Variants in ZNF385D observed in about 807,000 individuals in gnomAD.
ZNF385D encodes zinc finger protein 659.
ZNF385D carries 15 observed loss-of-function variants against 35.8 expected under a neutral mutation model. The observed-to-expected ratio is 0.42, with a 90% CI of 0.28 to 0.64. The LOEUF is 0.64. ZNF385D is among the 30% of genes least tolerant of loss of function. The probability of loss-of-function intolerance (pLI) is 0.23; values close to 1 mark genes in which losing one functional copy is unlikely to be tolerated. For missense variants in ZNF385D, 474 were observed against 494.6 expected (o/e 0.96, Z 0.39); for synonymous variants, 212 against 186.8 (o/e 1.13, Z -1.10).
At chr3:21,891,952 T>C (rs867543644) in intron 3 of ZNF385D, among the ~76,000 whole-genome samples, 2 of 152,172 alleles carry the variant, frequency 1.3e-5, no homozygotes, top group Non-Finnish European at 2.9e-5. Context: ...TGATCACAAA[T>C]ACTAAATCAA....
At chr3:22,178,531 T>C (rs2125774423) in intron 2 of ZNF385D, among the ~76,000 whole-genome samples, 1 of 152,288 alleles carries the variant, frequency 6.6e-6, no homozygotes, top group South Asian at 2.1e-4. Context: ...ATTCTGTAGG[T>C]TGCCTGTTCA....
At chr3:22,190,616 C>T (rs1695954135) in intron 2 of ZNF385D, among the ~76,000 whole-genome samples, 1 of 152,154 alleles carries the variant, frequency 6.6e-6, no homozygotes, top group African/African-American at 2.4e-5. Flanking sequence ...GACAAGCCAA[C>T]TAGGACCGTC....
chr3:22,356,046 G>T (rs1439593143), intron 2 of ZNF385D, among the ~76,000 whole-genome samples: 1 of 151,900 alleles, frequency 6.6e-6, no homozygotes, highest in Non-Finnish European at 1.5e-5. Context: ...AACCTATGCA[G>T]AAAAATAAAA....
At chr3:21,736,057 C>A (rs1449883482) in intron 1 of ZNF385D, among the ~76,000 whole-genome samples, 1 of 152,196 alleles carries the variant, frequency 6.6e-6, no homozygotes, top group Non-Finnish European at 1.5e-5. Flanking sequence ...GGACTGAATC[C>A]TTTGCATGAC....
chr3:22,077,728 C>A (rs988859191), intron 3 of ZNF385D, among the ~76,000 whole-genome samples: 1 of 151,982 alleles, frequency 6.6e-6, no homozygotes, highest in South Asian at 2.1e-4. Context: ...GCAGTTGTAG[C>A]TGCCTACATA....
intron 1 of ZNF385D, among the ~76,000 whole-genome samples, chr3:21,749,171 C>T (rs370142827): frequency 2.0e-4 from 30 of 152,270 alleles, no homozygotes; most frequent in East Asian, 7.7e-4. Context: ...CATTTCAATT[C>T]GTACTATTAA....
intron 2 of ZNF385D, among the ~76,000 whole-genome samples, chr3:22,290,772 T>C (rs951760789): frequency 6.6e-6 from 1 of 152,130 alleles, no homozygotes; most frequent in African/African-American, 2.4e-5. Context: ...GATCTGTGTG[T>C]AGATGTTTAT....
intron 3 of ZNF385D, among the ~76,000 whole-genome samples, chr3:21,932,572 G>C (rs1039850718): frequency 3.4e-4 from 52 of 151,956 alleles, no homozygotes; most frequent in Non-Finnish European, 6.9e-4. Flanking sequence ...TTATGTGGCT[G>C]ATTACGTGGG....
chr3:22,197,671 C>G (rs2082623455), intron 2 of ZNF385D, among the ~76,000 whole-genome samples: 5 of 152,100 alleles, frequency 3.3e-5, no homozygotes, highest in Admixed American at 2.6e-4. Context: ...GTGTTTTTCA[C>G]TCCTGTTGTA....
At chr3:21,945,121 C>A (rs931650520) in intron 3 of ZNF385D, among the ~76,000 whole-genome samples, 1 of 111,210 alleles carries the variant, frequency 9.0e-6, no homozygotes, top group Non-Finnish European at 1.8e-5. Context: ...CATGTATATA[C>A]GTGTGTGTAT....
chr3:22,043,979 A>G (rs146790430), intron 3 of ZNF385D, among the ~76,000 whole-genome samples: 24 of 152,284 alleles, frequency 1.6e-4, no homozygotes, highest in African/African-American at 5.8e-4. Context: ...AGAATAAAAA[A>G]AGGAACATTA....
intron 3 of ZNF385D, among the ~76,000 whole-genome samples, chr3:21,923,602 C>T (rs961681948): frequency 6.6e-6 from 1 of 152,142 alleles, no homozygotes; most frequent in Non-Finnish European, 1.5e-5. Flanking sequence ...GATATGGAAT[C>T]AACCTAGGTG....
At chr3:22,041,341 C>G (rs1559326500) in intron 3 of ZNF385D, among the ~76,000 whole-genome samples, 1 of 151,974 alleles carries the variant, frequency 6.6e-6, no homozygotes, top group East Asian at 1.9e-4. Context: ...CATGCCCACC[C>G]CAGAGAGAAA....
chr3:21,769,453 G>A (rs2070980970), intron 3 of ZNF385D, among the ~76,000 whole-genome samples: 1 of 127,658 alleles, frequency 7.8e-6, no homozygotes. Context: ...AGACACACAA[G>A]AGAGCCAAAT....
chr3:22,084,007 A>C (rs1293725750), intron 3 of ZNF385D, among the ~76,000 whole-genome samples: 1 of 152,206 alleles, frequency 6.6e-6, no homozygotes, highest in Non-Finnish European at 1.5e-5. Flanking sequence ...AGGAGAAATA[A>C]AATACTTTAC....
intron 3 of ZNF385D, among the ~76,000 whole-genome samples, chr3:22,146,974 G>C (rs533902072): frequency 6.6e-6 from 1 of 152,260 alleles, no homozygotes; most frequent in East Asian, 1.9e-4. Flanking sequence ...ATAACAGTAA[G>C]CTAATCAAAC....
chr3:21,469,097 A>G (rs1004757302), intron 4 of ZNF385D, among the ~76,000 whole-genome samples: 32 of 152,178 alleles, frequency 2.1e-4, no homozygotes, highest in Admixed American at 1.3e-4. Flanking sequence ...ATCTTGACTA[A>G]GGTGATGGTT....
rs1700555059 is a variant in ZNF385D at position 21,415,832 on chromosome 3, A to G, written c.*5382T>C. 6.6e-6 allele frequency: 1 copy of G among 152,074 alleles called. No homozygotes were observed. The allele number at this position is 152,074 out of a possible 1,614,324, so 9.4% of individuals were successfully genotyped here. On this transcript the variant is annotated 3_prime_UTR_variant, in exon 8 of 8. Transcript: ENST00000281523. Reference sequence around the variant, plus strand: ...AGTCAGATTTTACTTCGTTTGACAAATACATTTTAGCAGTTTCTACAGTCA... The same window carrying G: ...AGTCAGATTTTACTTCGTTTGACAAGTACATTTTAGCAGTTTCTACAGTCA...
intron 2 of ZNF385D, among the ~76,000 whole-genome samples, chr3:21,664,675 T>C (rs976495412): frequency 1.3e-5 from 2 of 152,168 alleles, no homozygotes; most frequent in African/African-American, 4.8e-5. Flanking sequence ...ATCAACCGAA[T>C]CGGATCGAAT....
Sources: allele counts gnomAD v4.1 joint callset (sites outside exome capture counted in the v4.1 genomes callset), GRCh38; gene constraint gnomAD v4.1.1; transcripts MANE v1.5; gene names NCBI Gene and HGNC (gene_info 2026-07-23, HGNC 2026-07-21).